Variants in TIMM8B observed in about 807,000 individuals in gnomAD.
The protein encoded by TIMM8B is mitochondrial import inner membrane translocase subunit Tim8 B.
In TIMM8B, 5 loss-of-function variants were observed where a neutral mutation model predicts 8.5. The ratio of observed to expected loss-of-function variants is 0.59; its 90% CI spans 0.31 to 1.24. TIMM8B has a LOEUF of 1.24. Among genes scored for constraint, TIMM8B ranks in the 50% most tolerant of loss-of-function variants. The pLI is 0.07. For missense variants in TIMM8B, 104 were observed against 109.2 expected, an observed-to-expected ratio of 0.95 and a Z score of 0.21; for synonymous variants, 44 against 39.9, an observed-to-expected ratio of 1.10 and a Z score of -0.39.
intron 1 of TIMM8B, 56 bp from the exon 2 acceptor site, chr11:112,085,518 T>C: frequency 2.1e-6 from 3 of 1,438,298 alleles, no homozygotes; most frequent in Non-Finnish European, 2.8e-6. Context: ...CTAACTCTTG[T>C]TTATTAACTT....
Position 112,085,764 on chromosome 11 carries a change from C to G in TIMM8B, c.85-302G>C, listed in dbSNP as rs559891263. On this transcript the variant is annotated intron_variant, in intron 1 of 1. Transcript: ENST00000504148. ...CCCAAACTATTGCACTCATTTTATT[C>G]CAAACCTATCCCCTAGACAAGGTAA... Among the ~76,000 whole-genome samples, 5 of 141,352 alleles carry G rather than the reference C, an allele frequency of 3.5e-5. No homozygotes were observed. The East Asian group carries it at 7.8e-4, about 22-fold the overall frequency. 92.7% of individuals were successfully genotyped at this position (141,352 alleles called of 152,430 possible). A position where few individuals can be genotyped will look rare whatever the true frequency, so the allele number is the denominator to read the frequency against.
In TIMM8B at chr11:112,085,394, G is replaced by T. The variant is rs1566686193; in HGVS notation, c.153C>A (p.Arg51=). Residue 51 remains arginine, a synonymous_variant, in exon 2 of 2, where the codon CGC becomes CGA. Transcript: ENST00000504148. The part of the protein sequence containing the change: ...VEKPGNRLDS[R]TENCLSSCVD... Reference sequence around the variant, plus strand: ...CACAGCTGGAGAGACAATTTTCAGTGCGAGAGTCTAGGCGATTCCCTGGCT... The same window carrying T: ...CACAGCTGGAGAGACAATTTTCAGTTCGAGAGTCTAGGCGATTCCCTGGCT... The T allele has an allele frequency of 1.9e-6, 3 of 1,614,028 alleles. No homozygotes were observed. The highest frequency in any genetic ancestry group is 2.5e-6 in the Non-Finnish European group (3 of 1,179,980).
chr11:112,086,663 G>C lies in TIMM8B; in HGVS notation c.61C>G (p.Gln21Glu), dbSNP rs780502006. 2.5e-6 allele frequency: 4 copies of C among 1,601,228 alleles called. No homozygotes were observed. Among genetic ancestry groups the C allele is most frequent in the Non-Finnish European group, 3.4e-6 (4 of 1,178,454 alleles). ...ELQRLVAAEQ[Q>E]KAQFTAQVHH... is the part of the protein sequence containing the mutation. ...ACCTGTGCAGTAAACTGCGCCTTCT[G>C]CTGCTCGGCGGCCACCAGGCGCTGC... The change falls in exon 1 of 2, where the codon CAG becomes GAG. Residue 21 changes from glutamine (Q) to glutamate (E), a missense_variant. Gln to Glu is a conservative substitution (Grantham distance 29). Transcript: ENST00000504148.
rs1865557042 is a variant in TIMM8B, at chr11:112,085,000, T to A, written c.*295A>T. 1 of 240,052 alleles carries A rather than the reference T, an allele frequency of 4.2e-6. No individual in the cohort carries two copies. The highest frequency in any genetic ancestry group is 8.0e-6 in the Non-Finnish European group (1 of 124,434). The allele number at this position is 240,052 out of a possible 1,614,324, so 14.9% of individuals were successfully genotyped here. A position where few individuals can be genotyped will look rare whatever the true frequency, so the allele number is the denominator to read the frequency against. ...ATTTGCACTACTGGCCATGGAACAT[T>A]TATTTCTAGTGTTCCTGCCAATCAG... On this transcript the variant is annotated 3_prime_UTR_variant, in exon 2 of 2. Transcript: ENST00000504148.
In TIMM8B at chr11:112,085,141, ACT is replaced by A. The variant is rs1258739610; in HGVS notation, c.*152_*153del. The A allele has an allele frequency of 3.9e-6, 2 of 507,476 alleles. No homozygotes were observed. Among genetic ancestry groups the A allele is most frequent in the African/African-American group, 3.8e-5 (2 of 52,198 alleles). The allele number at this position is 507,476 out of a possible 1,614,324, so 31.4% of individuals were successfully genotyped here. A position where few individuals can be genotyped will look rare whatever the true frequency, so the allele number is the denominator to read the frequency against. On this transcript the variant is annotated 3_prime_UTR_variant, in exon 2 of 2. Transcript: ENST00000504148. ...TCTGAATTCCAAATAAATAAATTTC[ACT>A]CTTTGAACATTTCATCTTTTACTTT...
At position 112,085,067 on chromosome 11, in the gene TIMM8B, T is replaced by C. The variant is rs1865559316; in HGVS notation, c.*228A>G. On this transcript the variant is annotated 3_prime_UTR_variant, in exon 2 of 2. Coordinates refer to ENST00000504148, the MANE Select transcript of TIMM8B (RefSeq NM_012459.4). Reference sequence around the variant, plus strand: ...TTCTAAAATGGGATTAAAAGAAGAGTTGGAGAATTCACACTTATTGAGTAA... The same window carrying C: ...TTCTAAAATGGGATTAAAAGAAGAGCTGGAGAATTCACACTTATTGAGTAA... The C allele has an allele frequency of 2.5e-6, 1 of 396,696 alleles. No individual in the cohort carries two copies. The highest frequency in any genetic ancestry group is 8.0e-5 in the South Asian group (1 of 12,498). 24.6% of individuals were successfully genotyped at this position (396,696 alleles called of 1,614,324 possible). A position where few individuals can be genotyped will look rare whatever the true frequency, so the allele number is the denominator to read the frequency against.
chr11:112,086,466 T>A (rs1451885011), intron 1 of TIMM8B, among the ~76,000 whole-genome samples, 174 bp downstream of exon 1: 1 of 152,202 alleles, frequency 6.6e-6, no homozygotes. Context: ...ACCTGGCACC[T>A]GAGCACTACC....
At chr11:112,085,532 A>C in intron 1 of TIMM8B, 70 bp from the exon 2 acceptor site, 14 of 1,309,082 alleles carry the variant, frequency 1.1e-5, no homozygotes, top group Non-Finnish European at 1.0e-5. Flanking sequence ...TTAACTTCTC[A>C]CTTTTTGACA....
At position 112,086,674 on chromosome 11, in the gene TIMM8B, GCCA is replaced by G; in HGVS notation, c.47_49del (p.Val16del). ...AAACTGCGCCTTCTGCTGCTCGGCG[GCCA>G]CCAGGCGCTGCAACTCCGCTTCATC... On this transcript the variant is annotated inframe_deletion, in exon 1 of 2. Coordinates refer to ENST00000504148, the MANE Select transcript of TIMM8B (RefSeq NM_012459.4). The G allele has an allele frequency of 6.2e-7, 1 of 1,602,052 alleles. No homozygotes were observed. The highest frequency in any genetic ancestry group is 1.3e-5 in the African/African-American group (1 of 74,980).
At chr11:112,086,558 C>T in intron 1 of TIMM8B, 82 bp downstream of exon 1, 2 of 1,479,836 alleles carry the variant, frequency 1.4e-6, no homozygotes, top group African/African-American at 1.4e-5. Flanking sequence ...CAGTGAGCCG[C>T]CAGTGTACAG....
chr11:112,086,738 T>G lies in TIMM8B; in HGVS notation c.-15A>C. 6.2e-7 allele frequency: 1 copy of G among 1,601,560 alleles called. No homozygotes were observed. Among genetic ancestry groups the G allele is most frequent in the Non-Finnish European group, 8.5e-7 (1 of 1,175,504 alleles). On this transcript the variant is annotated 5_prime_UTR_variant, in exon 1 of 2. Transcript: ENST00000504148. ...AGCTCCGCCATTGTTCGCCTCAGGC[T>G]CGCCACCTTCCGACAGCTGTGTTTG...
chr11:112,086,350 G>A (rs1257520648), intron 1 of TIMM8B: 4 of 595,444 alleles, frequency 6.7e-6, no homozygotes, highest in South Asian at 3.0e-5. Flanking sequence ...CAGATCTTTC[G>A]AATGCCAGCC....
At chr11:112,086,356 C>G in intron 1 of TIMM8B, 1 of 609,224 alleles carries the variant, frequency 1.6e-6, no homozygotes. Context: ...TTTCGAATGC[C>G]AGCCCAGTCA....
rs556111853 is a variant in TIMM8B at position 112,085,247 on chromosome 11, C to A, written c.*48G>T. The A allele has an allele frequency of 6.5e-7, 1 of 1,533,686 alleles. No individual in the cohort carries two copies. Among genetic ancestry groups the A allele is most frequent in the African/African-American group, 1.4e-5 (1 of 73,370 alleles). On this transcript the variant is annotated 3_prime_UTR_variant, in exon 2 of 2. Transcript: ENST00000504148. ...AGCCTTCCCCCACTGACCCTTAAATCTGCTTAGTAACAAGTCCTTTGCTTC... is the reference window on the plus strand; with the variant it reads ...AGCCTTCCCCCACTGACCCTTAAATATGCTTAGTAACAAGTCCTTTGCTTC...
rs779452883 is a variant in TIMM8B at position 112,085,479 on chromosome 11, A to G, written c.85-17T>C. Reference sequence around the variant, plus strand: ...GTGATGCACCTAAAAGGAAAGAAAAATAGTAACCATTGGGGTCTGCAGATA... The same window carrying G: ...GTGATGCACCTAAAAGGAAAGAAAAGTAGTAACCATTGGGGTCTGCAGATA... On this transcript the variant is annotated splice_polypyrimidine_tract_variant and intron_variant, in intron 1 of 1. Coordinates refer to ENST00000504148, the MANE Select transcript of TIMM8B (RefSeq NM_012459.4). 3.7e-6 allele frequency: 6 copies of G among 1,607,386 alleles called. No individual in the cohort carries two copies. In the African/African-American group the frequency reaches 4.0e-5, roughly 11 times the overall value.
chr11:112,085,412 C>A lies in TIMM8B; in HGVS notation c.135G>T (p.Gly45=). 2 of 1,614,060 alleles carry A rather than the reference C, an allele frequency of 1.2e-6. No homozygotes were observed. Among genetic ancestry groups the A allele is most frequent in the Non-Finnish European group, 1.7e-6 (2 of 1,179,970 alleles). The stretch of plus-strand genomic sequence containing the variant: ...TTTCAGTGCGAGAGTCTAGGCGATT[C>A]CCTGGCTTCTCCACACATTTATCCC... ...LCWDKCVEKP[G]NRLDSRTENC... The change falls in exon 2 of 2, where the codon GGG becomes GGT. Residue 45 remains glycine (G), a synonymous_variant. Transcript: ENST00000504148.
intron 1 of TIMM8B, chr11:112,086,262 C>T: frequency 2.0e-6 from 1 of 497,230 alleles, no homozygotes; most frequent in South Asian, 1.5e-5. Flanking sequence ...GGGGTGACGG[C>T]GACACCAAAA....
At chr11:112,086,551 T>C in intron 1 of TIMM8B, 89 bp downstream of exon 1, 1 of 1,471,678 alleles carries the variant, frequency 6.8e-7, no homozygotes. Flanking sequence ...CGAGCACCAG[T>C]GAGCCGCCAG....
intron 1 of TIMM8B, 107 bp downstream of exon 1, chr11:112,086,533 G>C (rs1194978102): frequency 6.9e-7 from 1 of 1,447,846 alleles, no homozygotes; most frequent in Non-Finnish European, 9.2e-7. Context: ...ATGGGATGCA[G>C]CCGGGATCGA....
Sources: gnomAD v4.1 joint callset for allele counts (sites outside exome capture counted in the v4.1 genomes callset) on GRCh38, gnomAD v4.1.1 for gene constraint, MANE v1.5 for transcripts, NCBI Gene and HGNC (gene_info 2026-07-23, HGNC 2026-07-21) for gene names.